KCTD8: variants seen among roughly 807,000 people sequenced by gnomAD.
The protein encoded by KCTD8 is potassium channel tetramerization domain containing 8, also known as BTB/POZ domain-containing protein KCTD8.
KCTD8 carries 27 observed loss-of-function variants against 31.5 expected under a neutral mutation model. The ratio of observed to expected loss-of-function variants is 0.86; its 90% CI spans 0.63 to 1.18. The LOEUF (loss-of-function observed/expected upper bound fraction) is 1.18. Ranked by LOEUF, KCTD8 falls within the 50% of genes most tolerant of loss-of-function variation. The probability of loss-of-function intolerance (pLI) is 0.00; values close to 1 mark genes in which losing one functional copy is unlikely to be tolerated. For missense variants in KCTD8, 658 were observed against 647.7 expected (o/e 1.02, Z -0.17); for synonymous variants, 290 against 280.0 (o/e 1.04, Z -0.36).
chr4:44,300,840 A>G (rs1045224848), intron 1 of KCTD8, among the ~76,000 whole-genome samples: 16 of 150,930 alleles, frequency 1.1e-4, no homozygotes, highest in African/African-American at 2.7e-4. Context: ...AGCATTAGGT[A>G]TATCTCCCAA....
intron 1 of KCTD8, among the ~76,000 whole-genome samples, chr4:44,302,514 CTGTT>C (rs1234854677): frequency 6.6e-6 from 1 of 152,072 alleles, no homozygotes; most frequent in Admixed American, 6.5e-5. Flanking sequence ...ATTTGGCTCT[CTGTT>C]TGTCTGTTAT....
In KCTD8 at chr4:44,448,268, G is replaced by C; in HGVS notation, c.256C>G (p.Arg86Gly). 1.9e-6 allele frequency: 3 copies of C among 1,602,478 alleles called. No individual in the cohort carries two copies. The highest frequency in any genetic ancestry group is 2.6e-6 in the Non-Finnish European group (3 of 1,175,602). ...CGGCTGTCCCTGGGCAGCTCGCCCC[G>C]GCGCCGGGCGCCGCCACGGGGACTA... ...PSSPRGGARR[R>G]GELPRDSRAR... The change falls in exon 1 of 2, where the codon CGG (arginine) becomes GGG (glycine). Residue 86 changes from arginine to glycine, a missense_variant. Physicochemically the swap from Arg to Gly is moderately radical, Grantham distance 125. Transcript: ENST00000360029. This position sits in a 1 kb window ranked among gnomAD's most constrained non-coding sequence, Gnocchi z 4.1.
chr4:44,356,367 A>G (rs1418673054), intron 1 of KCTD8, among the ~76,000 whole-genome samples: 1 of 152,248 alleles, frequency 6.6e-6, no homozygotes, highest in Non-Finnish European at 1.5e-5. Flanking sequence ...TAAAGGAAAG[A>G]CTAAGCATTA....
chr4:44,290,151 G>T (rs1042662017), intron 1 of KCTD8, among the ~76,000 whole-genome samples: 2 of 151,946 alleles, frequency 1.3e-5, no homozygotes, highest in African/African-American at 2.4e-5. Context: ...ACAATAAAGT[G>T]CAGGAATCAC....
At chr4:44,187,961 A>ACACACACG (rs1413614472) in intron 1 of KCTD8, among the ~76,000 whole-genome samples, 16 of 81,118 alleles carry the variant, frequency 2.0e-4, no homozygotes, top group African/African-American at 1.0e-3. Context: ...AGAGGTAAAC[A>ACACACACG]CACACACACA....
At chr4:44,217,537 T>C (rs1714682777) in intron 1 of KCTD8, among the ~76,000 whole-genome samples, 1 of 152,124 alleles carries the variant, frequency 6.6e-6, no homozygotes, top group Admixed American at 6.5e-5. Context: ...TGGTGAAGTA[T>C]TGTTTCCGGG....
intron 1 of KCTD8, among the ~76,000 whole-genome samples, chr4:44,371,954 G>C (rs1231739722): frequency 6.6e-6 from 1 of 151,978 alleles, no homozygotes; most frequent in Admixed American, 6.6e-5. Flanking sequence ...AACTTATAAA[G>C]CTTATGGTTA....
chr4:44,346,987 A>C (rs1314731226), intron 1 of KCTD8, among the ~76,000 whole-genome samples: 1 of 152,188 alleles, frequency 6.6e-6, no homozygotes, highest in Non-Finnish European at 1.5e-5. Flanking sequence ...AGCATTGTCT[A>C]GAGTTCTTCA....
intron 1 of KCTD8, among the ~76,000 whole-genome samples, chr4:44,392,549 C>T (rs1720399745): frequency 1.3e-5 from 2 of 151,862 alleles, no homozygotes; most frequent in Admixed American, 6.6e-5. Context: ...ATCCAAATCA[C>T]CTTGATTTCC....
intron 1 of KCTD8, among the ~76,000 whole-genome samples, chr4:44,369,813 TA>T (rs57467355): frequency 3.5e-4 from 51 of 146,734 alleles, no homozygotes; most frequent in South Asian, 1.3e-3. Context: ...AATATAAAAA[TA>T]AAAAAAAAAG....
chr4:44,342,358 G>C (rs1718924858), intron 1 of KCTD8, among the ~76,000 whole-genome samples: 3 of 117,296 alleles, frequency 2.6e-5, no homozygotes, highest in Admixed American at 1.1e-4. Context: ...TAATGAGCAA[G>C]ACTGTCTCAA....
intron 1 of KCTD8, among the ~76,000 whole-genome samples, chr4:44,356,976 C>T (rs1719359082): frequency 6.6e-6 from 1 of 151,950 alleles, no homozygotes. Flanking sequence ...CTGTAACATT[C>T]CATGAAATTA....
Position 44,448,473 on chromosome 4 carries a change from G to C in KCTD8, c.51C>G (p.Ser17Arg). 2 of 1,539,768 alleles carry C rather than the reference G, an allele frequency of 1.3e-6. No individual in the cohort carries two copies. The highest frequency in any genetic ancestry group is 2.1e-5 in the Admixed American group (1 of 46,808). ...GSGGSTILPI[S>R]EMVSSSSSPG... is the part of the protein sequence containing the mutation. ...GCGAGCTGGACGAGGAAACCATCTC[G>C]CTAATGGGCAGGATGGTGCTGCCGC... Residue 17 changes from serine (S) to arginine (R), a missense_variant, in exon 1 of 2, where the codon AGC (serine) becomes AGG (arginine). By Grantham distance (110) the Ser-to-Arg change is moderately radical. Coordinates refer to ENST00000360029, the MANE Select transcript of KCTD8 (RefSeq NM_198353.3). The surrounding 1 kb of genome is among the most constrained non-coding windows in gnomAD (Gnocchi z 4.1).
chr4:44,336,884 TA>T (rs761391929), intron 1 of KCTD8, among the ~76,000 whole-genome samples: 18 of 151,902 alleles, frequency 1.2e-4, no homozygotes, highest in Non-Finnish European at 2.5e-4. Flanking sequence ...AATAAAACAA[TA>T]AAATGAAACT....
intron 1 of KCTD8, among the ~76,000 whole-genome samples, chr4:44,342,399 G>A (rs1718927796): frequency 6.7e-6 from 1 of 148,412 alleles, no homozygotes; most frequent in South Asian, 2.2e-4. Flanking sequence ...AAAGGAATAT[G>A]TTTTTCTGAG....
intron 1 of KCTD8, among the ~76,000 whole-genome samples, chr4:44,276,733 A>T (rs1716760960): frequency 6.6e-6 from 1 of 151,986 alleles, no homozygotes; most frequent in South Asian, 2.1e-4. Flanking sequence ...TATCTCATAC[A>T]TTAGCTATTT....
At chr4:44,182,126 G>C (rs1034226035) in intron 1 of KCTD8, among the ~76,000 whole-genome samples, 2 of 151,394 alleles carry the variant, frequency 1.3e-5, no homozygotes, top group Admixed American at 6.6e-5. Flanking sequence ...GAAGGTGGGG[G>C]GTCAGCCCCC....
intron 1 of KCTD8, among the ~76,000 whole-genome samples, chr4:44,240,141 C>T (rs150866555): frequency 9.7e-4 from 148 of 152,338 alleles, no homozygotes; most frequent in African/African-American, 3.4e-3. Flanking sequence ...ATTTGTAAAA[C>T]TGCTTGAGAT....
intron 1 of KCTD8, among the ~76,000 whole-genome samples, chr4:44,197,770 C>T (rs187179483): frequency 6.6e-6 from 1 of 152,218 alleles, no homozygotes; most frequent in African/African-American, 2.4e-5. Flanking sequence ...CCCCTAACCT[C>T]CAAAGGAACA....
Sources: allele counts gnomAD v4.1 joint callset (sites outside exome capture counted in the v4.1 genomes callset), GRCh38; gene constraint gnomAD v4.1.1; non-coding constraint Gnocchi (gnomAD v3.1); transcripts MANE v1.5; gene names NCBI Gene and HGNC (gene_info 2026-07-23, HGNC 2026-07-21).